UBR4: variants seen among roughly 807,000 people sequenced by gnomAD.
UBR4 encodes E3 ubiquitin-protein ligase UBR4.
UBR4 carries 124 observed loss-of-function variants against 575.6 expected under a neutral mutation model. That is an observed-to-expected ratio of 0.22 (90% confidence interval 0.19 to 0.25). The LOEUF is 0.25. Among genes scored for constraint, UBR4 ranks in the 10% least tolerant of loss-of-function variants. The pLI, the probability that UBR4 is intolerant of heterozygous loss-of-function variation, is 1.00. For missense variants in UBR4, 4,818 were observed against 6,478.8 expected, an observed-to-expected ratio of 0.74 and a Z score of 8.80; for synonymous variants, 2,455 against 2,473.7, an observed-to-expected ratio of 0.99 and a Z score of 0.22.
intron 20 of UBR4, among the ~76,000 whole-genome samples, chr1:19,175,283 A>G (rs1571465681): frequency 6.6e-6 from 1 of 152,142 alleles, no homozygotes; most frequent in African/African-American, 2.4e-5. Flanking sequence ...ATATCTAGAC[A>G]TTGCCAAATG....
At chr1:19,204,949 T>C (rs552465367) in intron 1 of UBR4, among the ~76,000 whole-genome samples, 2 of 147,860 alleles carry the variant, frequency 1.4e-5, no homozygotes, top group South Asian at 4.5e-4. Flanking sequence ...AATGGAAAAA[T>C]GGAACAAAGG....
intron 64 of UBR4, among the ~76,000 whole-genome samples, 172 bp from the exon 65 acceptor site, chr1:19,124,862 G>C (rs2081553004): frequency 6.6e-6 from 1 of 152,134 alleles, no homozygotes; most frequent in South Asian, 2.1e-4. Flanking sequence ...GAAGGCCCAG[G>C]CTTCTGCGGC....
intron 103 of UBR4, 168 bp from the exon 104 acceptor site, chr1:19,078,234 G>A: frequency 3.3e-6 from 2 of 609,994 alleles, no homozygotes; most frequent in Non-Finnish European, 2.8e-6. Flanking sequence ...AAGAACCTCT[G>A]GAGCCCTGGG....
chr1:19,174,870 G>C, intron 21 of UBR4, 84 bp downstream of exon 21: 1 of 1,280,010 alleles, frequency 7.8e-7, no homozygotes, highest in South Asian at 1.3e-5. Context: ...TAAAAAGTCA[G>C]TCATTCCCTT....
Position 19,161,908 on chromosome 1 carries a change from A to G in UBR4, c.4957-11T>C. On this transcript the variant is annotated splice_polypyrimidine_tract_variant and intron_variant, in intron 35 of 105. Transcript: ENST00000375254. ...AAGAGAATCTTCATCCTTCAAAAAT[A>G]ATAAGTCTTTTTAATTCGAAATATA... 1 of 1,613,990 alleles carries G rather than the reference A, an allele frequency of 6.2e-7. No homozygotes were observed. Among genetic ancestry groups the G allele is most frequent in the Non-Finnish European group, 8.5e-7 (1 of 1,179,982 alleles).
chr1:19,156,155 A>T, intron 42 of UBR4, 116 bp downstream of exon 42: 1 of 1,398,286 alleles, frequency 7.2e-7, no homozygotes, highest in Non-Finnish European at 9.8e-7. Context: ...ACTACAGGTG[A>T]AAGTCATGGC....
intron 97 of UBR4, among the ~76,000 whole-genome samples, chr1:19,091,180 G>A (rs756681112): frequency 3.3e-5 from 5 of 152,000 alleles, no homozygotes; most frequent in East Asian, 1.9e-4. Context: ...AATCACAACC[G>A]TGTTCCTTGA....
Position 19,152,284 on chromosome 1 carries a change from G to A in UBR4, c.6996+29C>T. 2 of 1,612,292 alleles carry A rather than the reference G, an allele frequency of 1.2e-6. No homozygotes were observed. The highest frequency in any genetic ancestry group is 1.7e-6 in the Non-Finnish European group (2 of 1,178,566). Reference sequence around the variant, plus strand: ...TATTGTTTGAGTCCTTCTACCCAGGGATTGATCCCAGCCCAGTGCCATTCT... The same window carrying A: ...TATTGTTTGAGTCCTTCTACCCAGGAATTGATCCCAGCCCAGTGCCATTCT... On this transcript the variant is annotated intron_variant, in intron 47 of 105. Coordinates refer to ENST00000375254, the MANE Select transcript of UBR4 (RefSeq NM_020765.3). The surrounding 1 kb of genome is among the most constrained non-coding windows in gnomAD (Gnocchi z 4.4).
At chr1:19,156,559 T>C in intron 41 of UBR4, 136 bp from the exon 42 acceptor site, 1 of 1,282,654 alleles carries the variant, frequency 7.8e-7, no homozygotes, top group Admixed American at 2.8e-5. Flanking sequence ...CTAGTAACAT[T>C]CAGGTTTCAT....
intron 18 of UBR4, among the ~76,000 whole-genome samples, chr1:19,178,746 G>A (rs1250133976): frequency 6.6e-6 from 1 of 152,194 alleles, no homozygotes; most frequent in African/African-American, 2.4e-5. Flanking sequence ...CAAGGACAGA[G>A]CTGGCTTCCC....
chr1:19,118,612 A>G, intron 71 of UBR4: 1 of 412,006 alleles, frequency 2.4e-6, no homozygotes, highest in South Asian at 5.0e-5. Context: ...TTTTTAAGAG[A>G]TGAAGTCTCA....
At chr1:19,202,285 A>C (rs2092779543) in intron 1 of UBR4, among the ~76,000 whole-genome samples, 1 of 152,228 alleles carries the variant, frequency 6.6e-6, no homozygotes, top group African/African-American at 2.4e-5. Flanking sequence ...ACTAACAAAC[A>C]GAAAACATTT....
rs978911924 is a variant in UBR4, at chr1:19,097,138, G to A, written c.13390+55C>T. Reference sequence around the variant, plus strand: ...TGAGAATGCCCCTAAGTCCTGGGACGTGAGCCGCTCATGAGTCCCAAGCCT... The same window carrying A: ...TGAGAATGCCCCTAAGTCCTGGGACATGAGCCGCTCATGAGTCCCAAGCCT... On this transcript the variant is annotated intron_variant, in intron 91 of 105. Transcript: ENST00000375254. The A allele has an allele frequency of 2.8e-5, 42 of 1,490,082 alleles. No individual in the cohort carries two copies. In the South Asian group the frequency reaches 3.1e-4, roughly 11 times the overall value. The allele number at this position is 1,490,082 out of a possible 1,614,324, so 92.3% of individuals were successfully genotyped here.
In UBR4 at chr1:19,184,123, T is replaced by C; in HGVS notation, c.1991A>G (p.Asn664Ser). The C allele has an allele frequency of 6.2e-7, 1 of 1,613,878 alleles. No homozygotes were observed. Among genetic ancestry groups the C allele is most frequent in the Non-Finnish European group, 8.5e-7 (1 of 1,179,984 alleles). The change falls in exon 16 of 106, where the codon AAC (asparagine) becomes AGC (serine). Residue 664 changes from asparagine (N) to serine (S), a missense_variant. This residue lies in a region of UBR4 where 1,172 missense variants were observed against 1,259.7 expected (regional missense o/e 0.93). Transcript: ENST00000375254. ...GTTTCGGATAAAATTGTTCCGAGAG[T>C]TCAGCATGGAAGAGGTGATGAAGTT... The part of the protein sequence containing the change: ...ILNFITSSML[N>S]SRNNFIRNYL...
rs1184929080 is a variant in UBR4 at position 19,117,493 on chromosome 1, C to G, written c.10630-79G>C. On this transcript the variant is annotated intron_variant, in intron 72 of 105. Coordinates refer to ENST00000375254, the MANE Select transcript of UBR4 (RefSeq NM_020765.3). The surrounding 1 kb of genome is among the most constrained non-coding windows in gnomAD (Gnocchi z 4.0). ...TTTAAAAATTCATCAGTGTAACCCA[C>G]TCTTCATCCACAAGATGAAGTTTCT... 1 of 1,413,670 alleles carries G rather than the reference C, an allele frequency of 7.1e-7. No homozygotes were observed. Among genetic ancestry groups the G allele is most frequent in the Admixed American group, 2.1e-5 (1 of 48,624 alleles). 87.6% of individuals were successfully genotyped at this position (1,413,670 alleles called of 1,614,324 possible). A position where few individuals can be genotyped will look rare whatever the true frequency, so the allele number is the denominator to read the frequency against.
chr1:19,146,703 G>T, intron 52 of UBR4, 123 bp downstream of exon 52: 3 of 1,369,796 alleles, frequency 2.2e-6, no homozygotes, highest in Non-Finnish European at 3.0e-6. Context: ...ATAAAGACCA[G>T]GAAGCAAAAT....
chr1:19,120,373 G>A, intron 68 of UBR4, 25 bp from the exon 69 acceptor site: 1 of 1,608,978 alleles, frequency 6.2e-7, no homozygotes, highest in Non-Finnish European at 8.5e-7. Flanking sequence ...CAGGACTAAG[G>A]GCTGAAGAGT....
At position 19,094,916 on chromosome 1, in the gene UBR4, C is replaced by T; in HGVS notation, c.13736G>A (p.Ser4579Asn). The T allele has an allele frequency of 1.2e-6, 2 of 1,613,736 alleles. No homozygotes were observed. Among genetic ancestry groups the T allele is most frequent in the Non-Finnish European group, 8.5e-7 (1 of 1,180,016 alleles). Residue 4579 changes from serine (S) to asparagine (N), a missense_variant, in exon 94 of 106, where the codon AGT becomes AAT. Physicochemically the swap from Ser to Asn is conservative, Grantham distance 46. Around this residue, in one of 29 missense-constraint regions of UBR4, gnomAD observed 165 missense variants for 282.3 expected, o/e 0.58. Coordinates refer to ENST00000375254, the MANE Select transcript of UBR4 (RefSeq NM_020765.3). The stretch of plus-strand genomic sequence containing the variant: ...CCGAGCCCCACTCACCTTGTCCTCA[C>T]TCAGGGGCTCAGCATTGGACTCATC... Reference protein sequence around the residue: ...ILDESNAEPLSEDKGNLLLTG... With the variant: ...ILDESNAEPLNEDKGNLLLTG...
At chr1:19,184,996 TAC>T (rs2091382770) in intron 15 of UBR4, 101 bp downstream of exon 15, 4 of 1,405,372 alleles carry the variant, frequency 2.8e-6, no homozygotes, top group Non-Finnish European at 4.0e-6. Context: ...CTTTAAACAT[TAC>T]AGTTATCCAA....
Sources: allele counts gnomAD v4.1 joint callset (sites outside exome capture counted in the v4.1 genomes callset), GRCh38; gene constraint gnomAD v4.1.1; regional missense constraint gnomAD v4.1.1; non-coding constraint Gnocchi (gnomAD v3.1); transcripts MANE v1.5; gene names NCBI Gene and HGNC (gene_info 2026-07-23, HGNC 2026-07-21).